Variants in NEIL2 observed in about 807,000 individuals in gnomAD.
NEIL2 encodes nei like DNA glycosylase 2.
In NEIL2, 23 loss-of-function variants were observed where a neutral mutation model predicts 22.2. The ratio of observed to expected loss-of-function variants is 1.04; its 90% CI spans 0.75 to 1.47. The LOEUF (loss-of-function observed/expected upper bound fraction) is 1.47, where lower values mean the gene tolerates loss of function less well. NEIL2 is among the 40% of genes most tolerant of loss of function. NEIL2 has a pLI of 0.00. For missense variants in NEIL2, 583 were observed against 404.7 expected (o/e 1.44, Z -3.78); for synonymous variants, 229 against 164.8 (o/e 1.39, Z -2.99).
Position 11,779,969 on chromosome 8 carries a change from G to T in NEIL2, c.491+19G>T. The T allele has an allele frequency of 6.2e-7, 1 of 1,603,476 alleles. No individual in the cohort carries two copies. Among genetic ancestry groups the T allele is most frequent in the Non-Finnish European group, 8.5e-7 (1 of 1,170,588 alleles). On this transcript the variant is annotated intron_variant, in intron 3 of 4. Coordinates refer to ENST00000284503, the MANE Select transcript of NEIL2 (RefSeq NM_145043.4). ...CCCCGAGGTAATGGTGTGGCCATCT[G>T]ATTTTCGTGGGCTCTGATAGTCATA...
Position 11,786,680 on chromosome 8 carries a change from C to T in NEIL2, c.*407C>T. 3.9e-6 allele frequency: 1 copy of T among 256,010 alleles called. No individual in the cohort carries two copies. The highest frequency in any genetic ancestry group is 4.0e-5 in the South Asian group (1 of 25,188). 15.9% of individuals were successfully genotyped at this position (256,010 alleles called of 1,614,324 possible). A position where few individuals can be genotyped will look rare whatever the true frequency, so the allele number is the denominator to read the frequency against. ...TTTGAGAGAGAGTCTTGCTCTGTCT[C>T]CCTGGCTAGGGTGTGGTGGTGTGAT... On this transcript the variant is annotated 3_prime_UTR_variant, in exon 5 of 5. Transcript: ENST00000284503.
At chr8:11,771,684 C>T (rs1159674001) in intron 2 of NEIL2, 99 bp downstream of exon 2, 25 of 1,315,220 alleles carry the variant, frequency 1.9e-5, no homozygotes, top group Middle Eastern at 1.9e-4. Flanking sequence ...TCCCTGAGTC[C>T]GGAACCACCA....
intron 4 of NEIL2, among the ~76,000 whole-genome samples, chr8:11,784,587 C>T (rs934216336): frequency 7.9e-5 from 12 of 152,194 alleles, no homozygotes; most frequent in South Asian, 2.1e-4. Context: ...ACTCCAAACA[C>T]ACAGACACTC....
At chr8:11,779,505 A>G in intron 2 of NEIL2, 93 bp from the exon 3 acceptor site, 1 of 1,043,984 alleles carries the variant, frequency 9.6e-7, no homozygotes, top group Non-Finnish European at 1.5e-6. Flanking sequence ...AGGAGGGGTG[A>G]GAAGGAAGAC....
intron 2 of NEIL2, among the ~76,000 whole-genome samples, chr8:11,775,088 G>A (rs1202897183): frequency 2.0e-5 from 3 of 152,250 alleles, no homozygotes; most frequent in African/African-American, 7.2e-5. Flanking sequence ...GTGCCCCAGT[G>A]GGAACTCTGC....
At chr8:11,780,062 C>G in intron 3 of NEIL2, 112 bp downstream of exon 3, 1 of 882,022 alleles carries the variant, frequency 1.1e-6, no homozygotes, top group South Asian at 1.5e-5. Flanking sequence ...GTCTGCCCCC[C>G]AGGGCCCTGC....
intron 1 of NEIL2, 73 bp from the exon 2 acceptor site, chr8:11,771,373 C>T (rs1197230885): frequency 6.3e-7 from 1 of 1,589,742 alleles, no homozygotes; most frequent in East Asian, 2.2e-5. Flanking sequence ...ATGGAGGATG[C>T]TTGGCACCTG....
chr8:11,776,612 T>G (rs1044583491), intron 2 of NEIL2, among the ~76,000 whole-genome samples: 3 of 152,200 alleles, frequency 2.0e-5, no homozygotes, highest in Admixed American at 2.0e-4. Context: ...TAGTGTCTTC[T>G]GTAGTGTTTT....
At position 11,784,144 on chromosome 8, in the gene NEIL2, C is replaced by T. The variant is rs151120705; in HGVS notation, c.688+745C>T. ...TCTCCATATCCAACATGTGGCCTTG[C>T]TGCCTGCTCACCACCCTTCACGAGG... On this transcript the variant is annotated intron_variant, in intron 4 of 4. Transcript: ENST00000284503. Among the ~76,000 whole-genome samples the T allele has an allele frequency of 7.3e-4, 111 of 152,346 alleles. No individual in the cohort carries two copies. In the East Asian group the frequency reaches 0.014, roughly 20 times the overall value.
chr8:11,772,608 G>GT (rs1803560107), intron 2 of NEIL2, among the ~76,000 whole-genome samples: 1 of 152,176 alleles, frequency 6.6e-6, no homozygotes, highest in African/African-American at 2.4e-5. Context: ...TTACTGAGTT[G>GT]TTCTGCTTGT....
chr8:11,781,302 C>A (rs1046003087), intron 3 of NEIL2, among the ~76,000 whole-genome samples: 1 of 152,134 alleles, frequency 6.6e-6, no homozygotes, highest in South Asian at 2.1e-4. Flanking sequence ...TTGGGGCTGC[C>A]GTTCCAAGGT....
chr8:11,773,362 G>A (rs1803638193), intron 2 of NEIL2, among the ~76,000 whole-genome samples: 1 of 152,136 alleles, frequency 6.6e-6, no homozygotes, highest in Admixed American at 6.5e-5. Flanking sequence ...GGGCTGCCTG[G>A]CAGTGCTTTG....
chr8:11,774,923 G>A (rs1424411400), intron 2 of NEIL2, among the ~76,000 whole-genome samples: 1 of 152,278 alleles, frequency 6.6e-6, no homozygotes, highest in Admixed American at 6.5e-5. Context: ...CTCTGCCTCT[G>A]TGGCTTTGGT....
At chr8:11,777,151 ACTTTT>A (rs932300062) in intron 2 of NEIL2, among the ~76,000 whole-genome samples, 2 of 139,694 alleles carry the variant, frequency 1.4e-5, no homozygotes, top group Non-Finnish European at 3.1e-5. Flanking sequence ...TTCTACCCAC[ACTTTT>A]CTTTTCTTTT....
intron 1 of NEIL2, 115 bp from the exon 2 acceptor site, chr8:11,771,329 GCT>G: frequency 3.1e-6 from 4 of 1,310,738 alleles, no homozygotes; most frequent in Non-Finnish European, 3.3e-6. Flanking sequence ...GGCCATGCTT[GCT>G]CTTAAAGTTA....
intron 2 of NEIL2, among the ~76,000 whole-genome samples, chr8:11,777,877 G>A (rs1452308027): frequency 6.6e-6 from 1 of 152,222 alleles, no homozygotes; most frequent in Non-Finnish European, 1.5e-5. Flanking sequence ...ATTCCATTCA[G>A]GAGGCCAGAG....
intron 2 of NEIL2, among the ~76,000 whole-genome samples, chr8:11,774,459 A>G (rs1055280131): frequency 6.6e-6 from 1 of 152,110 alleles, no homozygotes; most frequent in Non-Finnish European, 1.5e-5. Flanking sequence ...ATTACCTCCC[A>G]CTGGGTACCT....
Position 11,785,950 on chromosome 8 carries a change from C to G in NEIL2, c.689-13C>G. On this transcript the variant is annotated splice_polypyrimidine_tract_variant and intron_variant, in intron 4 of 4. Transcript: ENST00000284503. The stretch of plus-strand genomic sequence containing the variant: ...CCTTTGTCCTTCCCTTACCTTCCCC[C>G]GCTTTATTTCAGGGAACATCATTAA... 6.2e-7 allele frequency: 1 copy of G among 1,612,878 alleles called. No individual in the cohort carries two copies.
At chr8:11,778,120 A>G (rs1804067439) in intron 2 of NEIL2, among the ~76,000 whole-genome samples, 1 of 152,226 alleles carries the variant, frequency 6.6e-6, no homozygotes, top group African/African-American at 2.4e-5. Context: ...AGAAATTGCC[A>G]TAGTTGGTAT....
Sources: allele counts gnomAD v4.1 joint callset (sites outside exome capture counted in the v4.1 genomes callset), GRCh38; gene constraint gnomAD v4.1.1; transcripts MANE v1.5; gene names NCBI Gene and HGNC (gene_info 2026-07-23, HGNC 2026-07-21).